Variants in ADCY2 observed in about 807,000 individuals in gnomAD.
ADCY2 encodes the protein adenylate cyclase 2.
Under a neutral mutation model 125.2 loss-of-function variants are expected in ADCY2, and 31 were observed. The ratio of observed to expected loss-of-function variants is 0.25; its 90% CI spans 0.19 to 0.33. The LOEUF (loss-of-function observed/expected upper bound fraction) is 0.33. Ranked by LOEUF, ADCY2 falls within the 10% of genes least tolerant of loss-of-function variation. The probability of loss-of-function intolerance (pLI) is 1.00; values close to 1 mark genes in which losing one functional copy is unlikely to be tolerated. For missense variants in ADCY2, 904 were observed against 1,418.2 expected, an observed-to-expected ratio of 0.64 and a Z score of 5.82; for synonymous variants, 512 against 548.4, an observed-to-expected ratio of 0.93 and a Z score of 0.93.
intron 22 of ADCY2, among the ~76,000 whole-genome samples, chr5:7,806,755 G>A (rs907804506): frequency 1.3e-5 from 2 of 152,296 alleles, no homozygotes; most frequent in Admixed American, 1.3e-4. Context: ...CAGTCACCTG[G>A]GAGGTTAGCA....
At chr5:7,585,123 A>G (rs762108688) in intron 3 of ADCY2, among the ~76,000 whole-genome samples, 1 of 152,218 alleles carries the variant, frequency 6.6e-6, no homozygotes, top group Non-Finnish European at 1.5e-5. Flanking sequence ...GAAGTCTTGC[A>G]TCACAATGAA....
chr5:7,442,270 T>C (rs1169120525), intron 2 of ADCY2, among the ~76,000 whole-genome samples: 5 of 152,176 alleles, frequency 3.3e-5, no homozygotes. Flanking sequence ...CCAACTTGAA[T>C]CCTCTAAATT....
intron 3 of ADCY2, among the ~76,000 whole-genome samples, chr5:7,584,317 A>ATT (rs1192807466): frequency 6.6e-6 from 1 of 152,128 alleles, no homozygotes; most frequent in Non-Finnish European, 1.5e-5. Flanking sequence ...TTTTAAAGAT[A>ATT]TTTCTTTATA....
At chr5:7,530,998 C>T (rs1734621924) in intron 3 of ADCY2, among the ~76,000 whole-genome samples, 2 of 152,132 alleles carry the variant, frequency 1.3e-5, no homozygotes, top group African/African-American at 4.8e-5. Flanking sequence ...GGCTGAACTT[C>T]ATCCTAGCAA....
intron 20 of ADCY2, 87 bp downstream of exon 20, chr5:7,789,887 A>G: frequency 9.3e-7 from 1 of 1,071,204 alleles, no homozygotes; most frequent in Non-Finnish European, 1.3e-6. Flanking sequence ...CAGTGACATA[A>G]AGGCTGCAGT....
chr5:7,636,614 C>A (rs1738513790), intron 4 of ADCY2, among the ~76,000 whole-genome samples: 1 of 152,090 alleles, frequency 6.6e-6, no homozygotes, highest in African/African-American at 2.4e-5. Flanking sequence ...TGAGTAAGAC[C>A]AATCTAAATT....
chr5:7,575,731 T>G (rs1333350175), intron 3 of ADCY2, among the ~76,000 whole-genome samples: 2 of 152,192 alleles, frequency 1.3e-5, no homozygotes, highest in Non-Finnish European at 2.9e-5. Context: ...TTTTTTAAAG[T>G]AATTTAAACT....
At chr5:7,555,440 C>CT (rs1287543478) in intron 3 of ADCY2, among the ~76,000 whole-genome samples, 1 of 152,146 alleles carries the variant, frequency 6.6e-6, no homozygotes, top group African/African-American at 2.4e-5. Context: ...AGATCTTTAG[C>CT]TTTTACACTG....
intron 12 of ADCY2, among the ~76,000 whole-genome samples, chr5:7,721,474 G>A (rs569880840): frequency 6.6e-6 from 1 of 152,120 alleles, no homozygotes; most frequent in East Asian, 1.9e-4. Context: ...TCCTTGCCCA[G>A]GCCTATAGCC....
At chr5:7,435,782 C>T (rs1490231402) in intron 2 of ADCY2, among the ~76,000 whole-genome samples, 1 of 152,214 alleles carries the variant, frequency 6.6e-6, no homozygotes, top group East Asian at 1.9e-4. Flanking sequence ...GGGATGTTTA[C>T]ATTCAACAGA....
chr5:7,555,426 G>A (rs1230225719), intron 3 of ADCY2, among the ~76,000 whole-genome samples: 1 of 152,158 alleles, frequency 6.6e-6, no homozygotes, highest in Non-Finnish European at 1.5e-5. Flanking sequence ...TTGGCAAATT[G>A]TTCAGATCTT....
At chr5:7,720,365 A>G (rs936765510) in intron 12 of ADCY2, among the ~76,000 whole-genome samples, 1 of 152,236 alleles carries the variant, frequency 6.6e-6, no homozygotes. Context: ...AATTGGAGAG[A>G]GAAAAATTAC....
rs187585586 is a variant in ADCY2 at position 7,465,846 on chromosome 5, T to C, written c.408+51076T>C. Among the ~76,000 whole-genome samples, 112 of 152,306 alleles carry C rather than the reference T, an allele frequency of 7.4e-4. 1 individual carries two copies. Among genetic ancestry groups the C allele is most frequent in the African/African-American group, 2.6e-3 (110 of 41,564 alleles). The stretch of plus-strand genomic sequence containing the variant: ...GGGGCTGGCTATCTTGGGAGTTTCA[T>C]TGAAGAGGGGGTGTTACATTTGCAT... On this transcript the variant is annotated intron_variant, in intron 2 of 24. Transcript: ENST00000338316.
At chr5:7,563,985 AT>A (rs1472847011) in intron 3 of ADCY2, among the ~76,000 whole-genome samples, 2 of 152,232 alleles carry the variant, frequency 1.3e-5, no homozygotes, top group African/African-American at 2.4e-5. Context: ...GAAATTGCAC[AT>A]TTAGACTAAT....
chr5:7,676,557 G>A (rs1054574964), intron 4 of ADCY2, among the ~76,000 whole-genome samples: 6 of 151,660 alleles, frequency 4.0e-5, no homozygotes, highest in African/African-American at 7.3e-5. Flanking sequence ...ATGGATTTAC[G>A]TCTACAACAG....
chr5:7,817,048 G>C (rs1745135135), intron 23 of ADCY2, 68 bp downstream of exon 23: 1 of 1,167,424 alleles, frequency 8.6e-7, no homozygotes, highest in African/African-American at 1.5e-5. Context: ...TAAGTCAGGA[G>C]ATATTGATGA....
intron 2 of ADCY2, among the ~76,000 whole-genome samples, chr5:7,419,478 C>A (rs988477110): frequency 8.5e-5 from 13 of 152,244 alleles, no homozygotes; most frequent in African/African-American, 2.9e-4. Flanking sequence ...CTCAACTGAG[C>A]CTTTGATGTT....
chr5:7,718,212 G>A (rs1433528372), intron 12 of ADCY2, among the ~76,000 whole-genome samples: 6 of 142,004 alleles, frequency 4.2e-5, no homozygotes, highest in Non-Finnish European at 7.5e-5. Context: ...GCAGTGGCAC[G>A]ATCTTGGCTC....
chr5:7,533,875 G>A (rs775092282), intron 3 of ADCY2, among the ~76,000 whole-genome samples: 9 of 152,064 alleles, frequency 5.9e-5, no homozygotes, highest in Non-Finnish European at 8.8e-5. Context: ...TTCACCATTA[G>A]CACCAGAACT....
Sources: gnomAD v4.1 joint callset for allele counts (sites outside exome capture counted in the v4.1 genomes callset) on GRCh38, gnomAD v4.1.1 for gene constraint, MANE v1.5 for transcripts, NCBI Gene and HGNC (gene_info 2026-07-23, HGNC 2026-07-21) for gene names.